The following PBX1 variants were observed in gnomAD, a reference collection of about 807,000 sequenced individuals.
The protein encoded by PBX1 is pre-B-cell leukemia transcription factor 1.
PBX1 carries 6 observed loss-of-function variants against 53.4 expected under a neutral mutation model. That is an observed-to-expected ratio of 0.11 (90% CI 0.06 to 0.22). The LOEUF (loss-of-function observed/expected upper bound fraction) is 0.22. PBX1 is among the 10% of genes least tolerant of loss of function. PBX1 has a pLI of 1.00. For synonymous variants in PBX1, 204 were observed against 212.3 expected (o/e 0.96, Z 0.34); for missense variants, 251 against 551.4 (o/e 0.46, Z 5.46).
Position 164,818,599 on chromosome 1 carries a change from A to C in PBX1, c.998-1473A>C, listed in dbSNP as rs546779747. On this transcript the variant is annotated intron_variant, in intron 6 of 8. Transcript: ENST00000420696. Reference sequence around the variant, plus strand: ...AAATAGCTAGGTTTTTTTTGCATGCAAATGAACATCCCACAGGACAAAGAA... The same window carrying C: ...AAATAGCTAGGTTTTTTTTGCATGCCAATGAACATCCCACAGGACAAAGAA... The C allele has an allele frequency of 2.0e-5, 3 of 152,068 alleles. No individual in the cohort carries two copies. The East Asian group carries it at 5.8e-4, about 29-fold the overall frequency. 9.4% of individuals were successfully genotyped at this position (152,068 alleles called of 1,614,324 possible).
chr1:164,702,738 C>T (rs375432960), intron 2 of PBX1, among the ~76,000 whole-genome samples: 7 of 152,166 alleles, frequency 4.6e-5, no homozygotes, highest in African/African-American at 1.7e-4. Context: ...ACTTCTTTGT[C>T]TAAAAGGGAA....
intron 2 of PBX1, among the ~76,000 whole-genome samples, chr1:164,688,683 CAT>C (rs945455138): frequency 2.4e-4 from 37 of 152,316 alleles, no homozygotes; most frequent in African/African-American, 8.2e-4. Flanking sequence ...CCTAACAACA[CAT>C]GACTCTGTCG....
At chr1:164,781,667 C>A (rs1667942985) in intron 2 of PBX1, among the ~76,000 whole-genome samples, 1 of 152,110 alleles carries the variant, frequency 6.6e-6, no homozygotes, top group South Asian at 2.1e-4. Flanking sequence ...GCACCCGATA[C>A]CCTCACTAGG....
intron 8 of PBX1, among the ~76,000 whole-genome samples, chr1:164,822,806 A>G (rs1670226587): frequency 6.6e-6 from 1 of 152,230 alleles, no homozygotes; most frequent in South Asian, 2.1e-4. Context: ...ACTACTAAGT[A>G]GTGGATTCAG....
At chr1:164,574,173 GT>G (rs1654064436) in intron 2 of PBX1, among the ~76,000 whole-genome samples, 1 of 152,076 alleles carries the variant, frequency 6.6e-6, no homozygotes, top group Non-Finnish European at 1.5e-5. Context: ...TTCATTTTAG[GT>G]TCTTTCTTTC....
intron 2 of PBX1, among the ~76,000 whole-genome samples, chr1:164,752,532 A>T (rs550753454): frequency 6.6e-6 from 1 of 152,106 alleles, no homozygotes; most frequent in Non-Finnish European, 1.5e-5. Flanking sequence ...TTAAAACCTC[A>T]CCAACTCCTG....
intron 2 of PBX1, among the ~76,000 whole-genome samples, chr1:164,730,672 A>C (rs920255763): frequency 7.9e-5 from 12 of 152,178 alleles, no homozygotes; most frequent in Admixed American, 2.0e-4. Context: ...CACCAGTCTG[A>C]CAGGGCAACC....
At chr1:164,868,365 G>A (rs1558052883) in intron 2 of PBX1, among the ~76,000 whole-genome samples, 1 of 152,200 alleles carries the variant, frequency 6.6e-6, no homozygotes, top group Non-Finnish European at 1.5e-5. Flanking sequence ...ATAGTTGACA[G>A]TTAAGGGTCC....
chr1:164,652,908 C>T (rs1034627997), intron 2 of PBX1, among the ~76,000 whole-genome samples: 4 of 149,210 alleles, frequency 2.7e-5, no homozygotes, highest in Non-Finnish European at 4.4e-5. Context: ...CTCACTCTGT[C>T]GCTCAGGCTG....
rs137933355 is a variant in PBX1 at position 164,692,351 on chromosome 1, T to A, written c.266-100143T>A. Among the ~76,000 whole-genome samples, 255 of 152,284 alleles carry A rather than the reference T, an allele frequency of 1.7e-3. 3 individuals are homozygous for A. The highest frequency in any genetic ancestry group is 5.9e-3 in the African/African-American group (245 of 41,566). On this transcript the variant is annotated intron_variant, in intron 2 of 8. Transcript: ENST00000420696. The stretch of plus-strand genomic sequence containing the variant: ...GTTTTTTATGCTGTCACTCAGCCCA[T>A]TGCCTTGAGTATAGCAGGCTTTTAA...
intron 2 of PBX1, among the ~76,000 whole-genome samples, chr1:164,791,993 T>A (rs543548284): frequency 6.6e-6 from 1 of 152,158 alleles, no homozygotes; most frequent in African/African-American, 2.4e-5. Flanking sequence ...CCTGGCTAAT[T>A]TTTTGTATTT....
At chr1:164,773,272 CAG>C (rs1491359693) in intron 2 of PBX1, among the ~76,000 whole-genome samples, 8 of 151,592 alleles carry the variant, frequency 5.3e-5, no homozygotes, top group Non-Finnish European at 1.0e-4. Context: ...CACACACACA[CAG>C]AGTTTTTCTT....
At chr1:164,746,196 G>T (rs1434283693) in intron 2 of PBX1, among the ~76,000 whole-genome samples, 2 of 152,092 alleles carry the variant, frequency 1.3e-5, no homozygotes, top group Non-Finnish European at 2.9e-5. Context: ...TTGGCATCTT[G>T]GTCATGCAAG....
At chr1:164,720,568 G>C (rs1183593677) in intron 2 of PBX1, among the ~76,000 whole-genome samples, 2 of 152,170 alleles carry the variant, frequency 1.3e-5, no homozygotes, top group Admixed American at 6.5e-5. Flanking sequence ...AACCCTGGAG[G>C]CTTCTGACTT....
chr1:164,626,154 A>C, intron 2 of PBX1: 1 of 957,656 alleles, frequency 1.0e-6, no homozygotes. Context: ...TGCATATACC[A>C]TGCCTTCCCC....
chr1:164,684,381 G>C (rs927375400), intron 2 of PBX1: 6 of 152,094 alleles, frequency 3.9e-5, no homozygotes, highest in African/African-American at 7.2e-5. Flanking sequence ...TATGCATTAT[G>C]AATTCTGAAA....
chr1:164,744,048 T>G lies in PBX1; in HGVS notation c.266-48446T>G, dbSNP rs569345656. On this transcript the variant is annotated intron_variant, in intron 2 of 8. Transcript: ENST00000420696. ...ATGGGAACTTATGGACACGATTGATTAGTCTTGATTACTTCACTTCCACAT... is the reference window on the plus strand; with the variant it reads ...ATGGGAACTTATGGACACGATTGATGAGTCTTGATTACTTCACTTCCACAT... 4.6e-5 allele frequency among the ~76,000 whole-genome samples: 7 copies of G among 152,270 alleles called. No individual in the cohort carries two copies. The South Asian group carries it at 1.5e-3, about 32-fold the overall frequency.
chr1:164,769,492 C>T (rs1667252456), intron 2 of PBX1: 1 of 152,210 alleles, frequency 6.6e-6, no homozygotes, highest in African/African-American at 2.4e-5. Context: ...TGAAGTCTCA[C>T]TTTGACATTT....
chr1:164,596,709 T>G (rs1213201419), intron 2 of PBX1, among the ~76,000 whole-genome samples: 1 of 152,212 alleles, frequency 6.6e-6, no homozygotes, highest in Non-Finnish European at 1.5e-5. Context: ...ATTTAACTTT[T>G]CAGGTTCAGT....
Sources: allele counts gnomAD v4.1 joint callset (sites outside exome capture counted in the v4.1 genomes callset), GRCh38; gene constraint gnomAD v4.1.1; transcripts MANE v1.5; gene names NCBI Gene and HGNC (gene_info 2026-07-23, HGNC 2026-07-21).